ASTN2: variants seen among roughly 807,000 people sequenced by gnomAD.
ASTN2 encodes the protein astrotactin-2.
In ASTN2, 54 loss-of-function variants were observed where a neutral mutation model predicts 139.8. The ratio of observed to expected loss-of-function variants is 0.39; its 90% CI spans 0.31 to 0.48. The LOEUF is 0.48. ASTN2 is among the 20% of genes least tolerant of loss of function. The pLI is 0.95. For missense variants in ASTN2, 1,565 were observed against 1,725.1 expected, an observed-to-expected ratio of 0.91 and a Z score of 1.64; for synonymous variants, 756 against 719.5, an observed-to-expected ratio of 1.05 and a Z score of -0.81.
intron 1 of ASTN2, among the ~76,000 whole-genome samples, chr9:117,352,187 C>A (rs914478415): frequency 6.6e-6 from 1 of 152,260 alleles, no homozygotes; most frequent in Admixed American, 6.5e-5. Context: ...CAATTACTCT[C>A]TCATGAGAAT....
chr9:116,487,484 A>G lies in ASTN2; in HGVS notation c.3372T>C (p.Phe1124=), dbSNP rs924987556. The part of the protein sequence containing the change: ...TDLYTGEFLS[F]ADDLLSGLGT... ...CCAGGCCAGAGAGTAAGTCATCAGC[A>G]AAACTCAGGAATTCTCCTGGAGGGA... Residue 1124 remains phenylalanine, a synonymous_variant, in exon 20 of 23, where the codon TTT becomes TTC. Coordinates refer to ENST00000313400, the MANE Select transcript of ASTN2 (RefSeq NM_001365068.1). 6.2e-7 allele frequency: 1 copy of G among 1,613,852 alleles called. No individual in the cohort carries two copies. Among genetic ancestry groups the G allele is most frequent in the African/African-American group, 1.3e-5 (1 of 74,920 alleles).
chr9:116,530,641 A>T (rs1353177794), intron 19 of ASTN2, among the ~76,000 whole-genome samples: 1 of 152,176 alleles, frequency 6.6e-6, no homozygotes, highest in Non-Finnish European at 1.5e-5. Context: ...AAACAAGAAA[A>T]TATCTGATGA....
intron 19 of ASTN2, among the ~76,000 whole-genome samples, chr9:116,550,190 G>A (rs1358308026): frequency 6.6e-6 from 1 of 152,176 alleles, no homozygotes; most frequent in African/African-American, 2.4e-5. Context: ...AAAATTGGAA[G>A]TTCTACGTGA....
At chr9:116,841,931 A>G (rs1832273918) in intron 11 of ASTN2, among the ~76,000 whole-genome samples, 2 of 152,188 alleles carry the variant, frequency 1.3e-5, no homozygotes, top group South Asian at 4.1e-4. Context: ...CCAATGAGGA[A>G]ACTAAAACTC....
chr9:116,935,613 C>A (rs1401302686), intron 10 of ASTN2, among the ~76,000 whole-genome samples: 1 of 152,148 alleles, frequency 6.6e-6, no homozygotes, highest in Non-Finnish European at 1.5e-5. Context: ...GTCTAAAGCA[C>A]TGGTCTTGCC....
chr9:116,847,071 G>C (rs928951987), intron 11 of ASTN2, among the ~76,000 whole-genome samples: 1 of 150,638 alleles, frequency 6.6e-6, no homozygotes, highest in Non-Finnish European at 1.5e-5. Context: ...ATATTCTAAT[G>C]GGGGGAGAAA....
At chr9:116,869,942 ATT>A (rs11291817) in intron 10 of ASTN2, among the ~76,000 whole-genome samples, 1,805 of 142,452 alleles carry the variant, frequency 0.013, 20 homozygotes, top group Middle Eastern at 0.023. Context: ...CATTTCTATA[ATT>A]TTTTTTTTTT....
At chr9:116,599,773 T>G (rs1032659901) in intron 19 of ASTN2, among the ~76,000 whole-genome samples, 2 of 152,090 alleles carry the variant, frequency 1.3e-5, no homozygotes, top group African/African-American at 4.8e-5. Flanking sequence ...TCATCAATAA[T>G]GTCTGAGAGG....
chr9:116,453,298 G>T (rs970800162), intron 20 of ASTN2, among the ~76,000 whole-genome samples: 2 of 152,140 alleles, frequency 1.3e-5, no homozygotes, highest in East Asian at 3.9e-4. Flanking sequence ...CAAGATTGTT[G>T]TAAGAATGAA....
At chr9:117,218,874 A>G (rs1417737929) in intron 2 of ASTN2, among the ~76,000 whole-genome samples, 2 of 152,200 alleles carry the variant, frequency 1.3e-5, no homozygotes, top group Non-Finnish European at 2.9e-5. Flanking sequence ...CAATTTTATT[A>G]TCTATAAAAT....
chr9:116,765,748 A>G (rs894115136), intron 13 of ASTN2, among the ~76,000 whole-genome samples: 1 of 152,196 alleles, frequency 6.6e-6, no homozygotes, highest in Non-Finnish European at 1.5e-5. Context: ...GTAAAAAAAA[A>G]GACAAGTGTA....
chr9:117,106,476 A>G (rs1009270504), intron 4 of ASTN2, among the ~76,000 whole-genome samples: 3 of 151,846 alleles, frequency 2.0e-5, no homozygotes, highest in Non-Finnish European at 4.4e-5. Context: ...TGGGATTATA[A>G]ACGTGAGCCA....
intron 1 of ASTN2, among the ~76,000 whole-genome samples, chr9:117,325,582 C>A (rs1033799215): frequency 1.3e-4 from 20 of 152,258 alleles, no homozygotes; most frequent in African/African-American, 3.6e-4. Flanking sequence ...AGTGTCTCAT[C>A]AATTCCCCCA....
intron 10 of ASTN2, among the ~76,000 whole-genome samples, chr9:116,877,259 C>A (rs1317482449): frequency 6.6e-6 from 1 of 152,260 alleles, no homozygotes; most frequent in South Asian, 2.1e-4. Context: ...GTGCAAGCAG[C>A]ACCCTTCTGC....
chr9:116,509,894 T>G (rs1850292152), intron 19 of ASTN2, among the ~76,000 whole-genome samples: 1 of 152,228 alleles, frequency 6.6e-6, no homozygotes, highest in Non-Finnish European at 1.5e-5. Context: ...TCGTTGTAGA[T>G]TCTGGATATT....
intron 19 of ASTN2, among the ~76,000 whole-genome samples, chr9:116,595,473 C>T (rs1213678636): frequency 6.6e-6 from 1 of 152,088 alleles, no homozygotes; most frequent in South Asian, 2.1e-4. Flanking sequence ...ACTACAGGGG[C>T]GCACCACCAT....
intron 5 of ASTN2, among the ~76,000 whole-genome samples, chr9:117,057,225 T>C (rs1473110881): frequency 6.6e-6 from 1 of 152,186 alleles, no homozygotes; most frequent in African/African-American, 2.4e-5. Context: ...CCAGCAATGA[T>C]ACATCTAAGT....
chr9:116,830,203 T>A (rs2132283676), intron 11 of ASTN2, among the ~76,000 whole-genome samples: 1 of 152,284 alleles, frequency 6.6e-6, no homozygotes, highest in African/African-American at 2.4e-5. Flanking sequence ...AAAGAAGACA[T>A]AAGAGTGACC....
intron 2 of ASTN2, among the ~76,000 whole-genome samples, chr9:117,226,493 T>A (rs746231791): frequency 6.6e-6 from 1 of 152,110 alleles, no homozygotes; most frequent in East Asian, 1.9e-4. Flanking sequence ...AGGAAAAACA[T>A]ATTGAGAAAG....
Sources: allele counts gnomAD v4.1 joint callset (sites outside exome capture counted in the v4.1 genomes callset), GRCh38; gene constraint gnomAD v4.1.1; transcripts MANE v1.5; gene names NCBI Gene and HGNC (gene_info 2026-07-23, HGNC 2026-07-21).